The following XYLT2 variants were observed in gnomAD, a reference collection of about 807,000 sequenced individuals.
The protein encoded by XYLT2 is UDP-D-xylose:proteoglycan core protein beta-D-xylosyltransferase.
A neutral mutation model predicts 82.6 loss-of-function variants in XYLT2; 37 were observed. The observed-to-expected ratio is 0.45, with a 90% CI of 0.34 to 0.59. The LOEUF is 0.59. XYLT2 is among the 20% of genes least tolerant of loss of function. The pLI is 0.01. For missense variants in XYLT2, 934 were observed against 1,181.3 expected (o/e 0.79, Z 3.07); for synonymous variants, 474 against 499.0 (o/e 0.95, Z 0.67).
rs1912516098 is a variant in XYLT2, at chr17:50,356,148, C to T, written c.1369C>T (p.Arg457Trp). 2 of 1,614,204 alleles carry T rather than the reference C, an allele frequency of 1.2e-6. No homozygotes were observed. The highest frequency in any genetic ancestry group is 1.7e-6 in the Non-Finnish European group (2 of 1,180,020). ...ACETLVDNNL[R>W]VTNWNRKLGC... Reference sequence around the variant, plus strand: ...TGAGACCCTCGTGGACAACAACCTGCGGGTCACCAACTGGAACCGCAAGCT... The same window carrying T: ...TGAGACCCTCGTGGACAACAACCTGTGGGTCACCAACTGGAACCGCAAGCT... Residue 457 changes from arginine (R) to tryptophan (W), a missense_variant, in exon 7 of 11, where the codon CGG becomes TGG. Physicochemically the swap from Arg to Trp is moderately radical, Grantham distance 101 (BLOSUM62 -3). Around this residue, in one of 3 missense-constraint regions of XYLT2, gnomAD observed 189 missense variants for 320.8 expected, o/e 0.59. Coordinates refer to ENST00000017003, the MANE Select transcript of XYLT2 (RefSeq NM_022167.4).
chr17:50,356,358 C>T, intron 7 of XYLT2, 97 bp downstream of exon 7: 2 of 1,552,490 alleles, frequency 1.3e-6, no homozygotes, highest in Non-Finnish European at 1.7e-6. Context: ...ATCTGGGGGG[C>T]CACGGCCTGC....
chr17:50,356,825 G>C (rs754069223), intron 8 of XYLT2, 52 bp downstream of exon 8: 1 of 1,559,000 alleles, frequency 6.4e-7, no homozygotes, highest in Non-Finnish European at 8.7e-7. Context: ...GTGCCCTAGG[G>C]GGAGGCCAAC....
intron 1 of XYLT2, among the ~76,000 whole-genome samples, chr17:50,348,686 G>T (rs1049579076): frequency 6.6e-6 from 1 of 152,148 alleles, no homozygotes; most frequent in Non-Finnish European, 1.5e-5. Flanking sequence ...GGTGGGGTAT[G>T]GGGGGAGCAT....
intron 1 of XYLT2, among the ~76,000 whole-genome samples, chr17:50,349,987 A>G (rs1912189341): frequency 6.6e-6 from 1 of 151,428 alleles, no homozygotes; most frequent in African/African-American, 2.4e-5. Context: ...ATTTGAGACC[A>G]GCCTGGCCAA....
rs35374852 is a variant in XYLT2 at position 50,360,576 on chromosome 17, T to TC, written c.*285_*286insC. 222,229 of 1,136,948 alleles carry TC rather than the reference T, an allele frequency of 0.2. 4,080 individuals carry two copies. Among genetic ancestry groups the TC allele is most frequent in the Non-Finnish European group, 0.21 (194,556 of 924,958 alleles). The allele number at this position is 1,136,948 out of a possible 1,614,324, so 70.4% of individuals were successfully genotyped here. A position where few individuals can be genotyped will look rare whatever the true frequency, so the allele number is the denominator to read the frequency against. ...AGTTTGAATTTCTTTTTTTTCTTTT[T>TC]TTTTTTTTTTTTTTAATTTAAAAAG... On this transcript the variant is annotated 3_prime_UTR_variant, in exon 11 of 11. Coordinates refer to ENST00000017003, the MANE Select transcript of XYLT2 (RefSeq NM_022167.4).
At position 50,354,205 on chromosome 17, in the gene XYLT2, G is replaced by A. The variant is rs569952217; in HGVS notation, c.628+83G>A. ...CGGATCCTCACCCCTATCTCTCTGA[G>A]GAAGAAAGAGCCAAGGGGATCCTAC... is the stretch of plus-strand genomic sequence containing the variant. On this transcript the variant is annotated intron_variant, in intron 2 of 10. Coordinates refer to ENST00000017003, the MANE Select transcript of XYLT2 (RefSeq NM_022167.4). 260 of 1,579,422 alleles carry A rather than the reference G, an allele frequency of 1.6e-4. No individual in the cohort carries two copies. In the South Asian group the frequency reaches 2.9e-3, roughly 17 times the overall value.
Position 50,356,773 on chromosome 17 carries a change from G to A in XYLT2, c.1745G>A (p.Arg582Lys). The change falls in exon 8 of 11, where the codon AGG (arginine) becomes AAG (lysine). Residue 582 changes from arginine to lysine, a missense_variant and splice_region_variant. This residue lies in a region of XYLT2 where 374 missense variants were observed against 465.6 expected (regional missense o/e 0.80). Coordinates refer to ENST00000017003, the MANE Select transcript of XYLT2 (RefSeq NM_022167.4). ...AAPPMGTPLC[R>K]FEPRGLPSSV... ...CCCCCAATGGGCACCCCACTCTGCA[G>A]GTGAGACCCCCTTCTGACATACAGC... 1 of 1,599,672 alleles carries A rather than the reference G, an allele frequency of 6.3e-7. No individual in the cohort carries two copies. The highest frequency in any genetic ancestry group is 8.5e-7 in the Non-Finnish European group (1 of 1,177,804).
chr17:50,356,867 C>T, intron 8 of XYLT2, 94 bp downstream of exon 8: 2 of 1,514,480 alleles, frequency 1.3e-6, no homozygotes, highest in Non-Finnish European at 1.8e-6. Context: ...CACAACAAGG[C>T]CCCAGTCTGA....
Position 50,354,843 on chromosome 17 carries a change from C to T in XYLT2, c.805-11C>T, listed in dbSNP as rs1275131056. 1.1e-5 allele frequency: 17 copies of T among 1,612,848 alleles called. No homozygotes were observed. The highest frequency in any genetic ancestry group is 1.4e-5 in the Non-Finnish European group (17 of 1,179,900). Reference sequence around the variant, plus strand: ...ACACTGGAGGCTAGCTGAGTGTCTCCTCCCCACCAGCGTTCCGACTACCTG... The same window carrying T: ...ACACTGGAGGCTAGCTGAGTGTCTCTTCCCCACCAGCGTTCCGACTACCTG... On this transcript the variant is annotated splice_polypyrimidine_tract_variant and intron_variant, in intron 3 of 10. Transcript: ENST00000017003.
At chr17:50,357,990 C>A in intron 9 of XYLT2, 1 of 574,006 alleles carries the variant, frequency 1.7e-6, no homozygotes, top group Non-Finnish European at 3.1e-6. Context: ...GGACTGACCT[C>A]CACTGCCTAG....
intron 4 of XYLT2, 71 bp downstream of exon 4, chr17:50,355,127 T>G: frequency 6.8e-7 from 1 of 1,462,414 alleles, no homozygotes; most frequent in Non-Finnish European, 9.2e-7. Context: ...GTTGGAGGGC[T>G]TTGGTGGACC....
chr17:50,361,088 T>G lies in XYLT2; in HGVS notation c.*797T>G. On this transcript the variant is annotated 3_prime_UTR_variant, in exon 11 of 11. Coordinates refer to ENST00000017003, the MANE Select transcript of XYLT2 (RefSeq NM_022167.4). ...GACTCTCAGAAGAACCTGGAGTAAT[T>G]GTGCCTGAAGCTCAGCGTGAAGTCT... 3.0e-6 allele frequency: 3 copies of G among 985,918 alleles called. No homozygotes were observed. The highest frequency in any genetic ancestry group is 3.6e-6 in the Non-Finnish European group (3 of 829,960). The allele number at this position is 985,918 out of a possible 1,614,324, so 61.1% of individuals were successfully genotyped here. A position where few individuals can be genotyped will look rare whatever the true frequency, so the allele number is the denominator to read the frequency against.
At chr17:50,347,296 C>T (rs9894679) in intron 1 of XYLT2, among the ~76,000 whole-genome samples, 1 of 152,174 alleles carries the variant, frequency 6.6e-6, no homozygotes, top group African/African-American at 2.4e-5. Flanking sequence ...TGCTGTCCTC[C>T]GGCAAGCCCC....
chr17:50,356,538 C>T lies in XYLT2; in HGVS notation c.1510C>T (p.Arg504Trp), dbSNP rs1912541427. 3.1e-6 allele frequency: 5 copies of T among 1,614,010 alleles called. No individual in the cohort carries two copies. The highest frequency in any genetic ancestry group is 1.1e-5 in the South Asian group (1 of 91,080). Residue 504 changes from arginine (R) to tryptophan (W), a missense_variant, in exon 8 of 11, where the codon CGG (arginine) becomes TGG (tryptophan). This residue lies in a region of XYLT2 where 189 missense variants were observed against 320.8 expected (regional missense o/e 0.59). Coordinates refer to ENST00000017003, the MANE Select transcript of XYLT2 (RefSeq NM_022167.4). ...QQVSRPTFFA[R>W]KFESTVNQEV... ...AGTCTCCAGACCCACCTTCTTCGCC[C>T]GGAAGTTCGAGTCGACTGTGAACCA...
intron 9 of XYLT2, chr17:50,357,925 T>C: frequency 4.9e-6 from 2 of 406,744 alleles, no homozygotes; most frequent in Non-Finnish European, 8.8e-6. Flanking sequence ...CATGTGGGAA[T>C]GGTCTCTGGG....
At chr17:50,355,453 C>G (rs762742518) in intron 4 of XYLT2, 48 bp from the exon 5 acceptor site, 4 of 1,593,874 alleles carry the variant, frequency 2.5e-6, no homozygotes, top group African/African-American at 1.3e-5. Flanking sequence ...GGGCCAGTGA[C>G]TGAGCAACTA....
chr17:50,358,084 T>G (rs1912627593), intron 9 of XYLT2, 123 bp from the exon 10 acceptor site: 3 of 866,850 alleles, frequency 3.5e-6, no homozygotes, highest in Non-Finnish European at 5.3e-6. Context: ...ATTTTGCAGA[T>G]GGGGAAACTG....
In XYLT2 at chr17:50,356,631, G is replaced by C. The variant is rs558140777; in HGVS notation, c.1603G>C (p.Ala535Pro). The change falls in exon 8 of 11, where the codon GCC becomes CCC. Residue 535 changes from alanine to proline, a missense_variant. Around this residue, in one of 3 missense-constraint regions of XYLT2, gnomAD observed 374 missense variants for 465.6 expected, o/e 0.80. Coordinates refer to ENST00000017003, the MANE Select transcript of XYLT2 (RefSeq NM_022167.4). ...SYPPGTPALK[A>P]YWENTYDAAD... is the part of the protein sequence containing the mutation. ...CCCCCCCGGCACGCCAGCCCTCAAG[G>C]CCTACTGGGAGAACACCTACGACGC... 1 of 1,614,122 alleles carries C rather than the reference G, an allele frequency of 6.2e-7. No homozygotes were observed. Among genetic ancestry groups the C allele is most frequent in the Non-Finnish European group, 8.5e-7 (1 of 1,180,024 alleles).
At chr17:50,349,714 C>T (rs1044706413) in intron 1 of XYLT2, among the ~76,000 whole-genome samples, 2 of 152,162 alleles carry the variant, frequency 1.3e-5, no homozygotes, top group Admixed American at 1.3e-4. Flanking sequence ...TGTGCCCATA[C>T]TGGTAGTGGG....
Sources: allele counts gnomAD v4.1 joint callset (sites outside exome capture counted in the v4.1 genomes callset), GRCh38; gene constraint gnomAD v4.1.1; regional missense constraint gnomAD v4.1.1; transcripts MANE v1.5; gene names NCBI Gene and HGNC (gene_info 2026-07-23, HGNC 2026-07-21).